PATJ: variants seen among roughly 807,000 people sequenced by gnomAD.
PATJ encodes inaD-like protein.
PATJ carries 190 observed loss-of-function variants against 224.9 expected under a neutral mutation model. That is an observed-to-expected ratio of 0.84 (90% CI 0.75 to 0.95). PATJ has a LOEUF of 0.95. PATJ is among the 40% of genes least tolerant of loss of function. The probability of loss-of-function intolerance (pLI) is 0.00; values close to 1 mark genes in which losing one functional copy is unlikely to be tolerated. For missense variants in PATJ, 2,121 were observed against 2,270.3 expected (o/e 0.93, Z 1.34); for synonymous variants, 769 against 820.3 (o/e 0.94, Z 1.07).
chr1:62,159,141 C>T lies in PATJ; in HGVS notation c.5503-1767C>T, dbSNP rs182812270. Among the ~76,000 whole-genome samples, 36 of 152,228 alleles carry T rather than the reference C, an allele frequency of 2.4e-4. 1 individual carries two copies. Among genetic ancestry groups the T allele is most frequent in the Middle Eastern group, 3.4e-3 (1 of 294 alleles). On this transcript the variant is annotated intron_variant, in intron 43 of 43. Transcript: ENST00000642238. ...AGTAAAATTACTTGTTTAATTTTGTCTTTAATACAGTTGACACATTACTTT... is the reference window on the plus strand; with the variant it reads ...AGTAAAATTACTTGTTTAATTTTGTTTTTAATACAGTTGACACATTACTTT...
intron 6 of PATJ, among the ~76,000 whole-genome samples, chr1:61,773,512 C>G (rs2148382695): frequency 6.7e-6 from 1 of 148,680 alleles, no homozygotes; most frequent in African/African-American, 2.5e-5. Context: ...TATGGCCAGG[C>G]ACAGTGGCTC....
At chr1:61,948,826 AGTGATAGAC>A (rs2149374348) in intron 27 of PATJ, among the ~76,000 whole-genome samples, 1 of 152,326 alleles carries the variant, frequency 6.6e-6, no homozygotes, top group Admixed American at 6.5e-5. Context: ...AATGTCCATC[AGTGATAGAC>A]TGGATTAAAA....
At chr1:61,793,546 G>T (rs1650338148) in intron 9 of PATJ, among the ~76,000 whole-genome samples, 1 of 151,956 alleles carries the variant, frequency 6.6e-6, no homozygotes. Context: ...TTCAAGACCA[G>T]CTTGGGCAAC....
chr1:61,776,727 AC>A (rs1371179621), intron 7 of PATJ, among the ~76,000 whole-genome samples: 1 of 136,338 alleles, frequency 7.3e-6, no homozygotes, highest in Non-Finnish European at 1.6e-5. Context: ...AGATTAATCT[AC>A]TTTTTTTTTT....
intron 27 of PATJ, among the ~76,000 whole-genome samples, chr1:61,937,650 C>CTTTTTTTT (rs370155855): frequency 7.5e-6 from 1 of 133,034 alleles, no homozygotes; most frequent in Non-Finnish European, 1.6e-5. Flanking sequence ...CTTTCTTCTT[C>CTTTTTTTT]TTTTTTTTTT....
chr1:61,889,891 G>A (rs1314861539), intron 22 of PATJ, among the ~76,000 whole-genome samples: 3 of 152,206 alleles, frequency 2.0e-5, no homozygotes, highest in Non-Finnish European at 4.4e-5. Context: ...CTGAGTGGAG[G>A]GGACTACTGT....
chr1:62,003,549 C>G (rs1393840320), intron 28 of PATJ, among the ~76,000 whole-genome samples: 11 of 152,212 alleles, frequency 7.2e-5, no homozygotes, highest in Admixed American at 7.2e-4. Context: ...GAAGATCTTA[C>G]TTCAGCACTG....
intron 26 of PATJ, among the ~76,000 whole-genome samples, chr1:61,923,085 TAA>T (rs879163663): frequency 2.6e-5 from 4 of 152,216 alleles, no homozygotes; most frequent in Admixed American, 2.6e-4. Context: ...TTGCATTCAG[TAA>T]AAACCCCAGT....
At chr1:61,976,144 G>A (rs909229008) in intron 27 of PATJ, among the ~76,000 whole-genome samples, 8 of 151,894 alleles carry the variant, frequency 5.3e-5, no homozygotes, top group Admixed American at 1.3e-4. Context: ...TTAAATTGTC[G>A]ATTCCAAAAG....
chr1:62,028,828 C>T (rs1258039091), intron 29 of PATJ, among the ~76,000 whole-genome samples: 2 of 151,988 alleles, frequency 1.3e-5, no homozygotes. Context: ...GTAGCCTGTA[C>T]CTGTAGTCCC....
chr1:61,855,217 T>C (rs1459822982), intron 17 of PATJ, among the ~76,000 whole-genome samples: 2 of 152,180 alleles, frequency 1.3e-5, no homozygotes, highest in South Asian at 2.1e-4. Flanking sequence ...TGGTCCATCA[T>C]ATGACTGTGC....
chr1:62,036,147 G>A (rs910094716), intron 29 of PATJ, among the ~76,000 whole-genome samples: 1 of 152,088 alleles, frequency 6.6e-6, no homozygotes, highest in Non-Finnish European at 1.5e-5. Flanking sequence ...CATAAGAAGG[G>A]GTTAGAAATA....
At chr1:62,114,323 G>T in intron 35 of PATJ, 77 bp downstream of exon 35, 4 of 1,276,556 alleles carry the variant, frequency 3.1e-6, no homozygotes, top group Non-Finnish European at 4.4e-6. Context: ...GAAAGAGAAA[G>T]CCTAATGTAA....
chr1:62,105,063 A>G (rs999558375), intron 33 of PATJ, among the ~76,000 whole-genome samples: 5 of 152,214 alleles, frequency 3.3e-5, no homozygotes, highest in Non-Finnish European at 5.9e-5. Flanking sequence ...AATTTTAAAT[A>G]CAGAAAGACT....
At chr1:61,882,520 C>A (rs1668244540) in intron 21 of PATJ, among the ~76,000 whole-genome samples, 1 of 152,134 alleles carries the variant, frequency 6.6e-6, no homozygotes, top group African/African-American at 2.4e-5. Flanking sequence ...GAAACGCTAC[C>A]TGTCTACCCT....
chr1:62,096,443 G>A (rs948413284), intron 33 of PATJ, among the ~76,000 whole-genome samples: 1 of 152,166 alleles, frequency 6.6e-6, no homozygotes, highest in Non-Finnish European at 1.5e-5. Context: ...CTTAGAGCTT[G>A]TTGGCATTCA....
At chr1:61,966,365 C>T (rs749998895) in intron 27 of PATJ, among the ~76,000 whole-genome samples, 2 of 152,248 alleles carry the variant, frequency 1.3e-5, no homozygotes, top group South Asian at 2.1e-4. Context: ...TTGGATCTCG[C>T]GCCAAGGCGA....
intron 27 of PATJ, among the ~76,000 whole-genome samples, chr1:61,933,482 A>C (rs994153747): frequency 6.6e-6 from 1 of 150,948 alleles, no homozygotes; most frequent in Non-Finnish European, 1.5e-5. Flanking sequence ...CAGAGGTTGC[A>C]GTGAGCCGAG....
At chr1:62,084,409 G>A (rs1274834676) in intron 32 of PATJ, 106 bp from the exon 33 acceptor site, 18 of 1,177,604 alleles carry the variant, frequency 1.5e-5, no homozygotes, top group African/African-American at 3.1e-5. Context: ...CAGGAAAAGA[G>A]TGCAGTGATA....
Sources: allele counts gnomAD v4.1 joint callset (sites outside exome capture counted in the v4.1 genomes callset), GRCh38; gene constraint gnomAD v4.1.1; transcripts MANE v1.5; gene names NCBI Gene and HGNC (gene_info 2026-07-23, HGNC 2026-07-21).